RAD51B: variants seen among roughly 807,000 people sequenced by gnomAD.
RAD51B encodes the protein RAD51 paralog B.
RAD51B carries 38 observed loss-of-function variants against 42.2 expected under a neutral mutation model. The ratio of observed to expected loss-of-function variants is 0.90; its 90% CI spans 0.70 to 1.18. The LOEUF (loss-of-function observed/expected upper bound fraction) is 1.18, where lower values mean the gene tolerates loss of function less well. Among genes scored for constraint, RAD51B ranks in the 50% most tolerant of loss-of-function variants. RAD51B has a pLI of 0.00. For missense variants in RAD51B, 373 were observed against 400.7 expected (o/e 0.93, Z 0.59); for synonymous variants, 154 against 145.2 (o/e 1.06, Z -0.43).
rs147771800 is a variant in RAD51B at position 67,899,407 on chromosome 14, A to G, written c.756+12203A>G. The stretch of plus-strand genomic sequence containing the variant: ...GGAAATATCTTCTTAAAAGTGAAAC[A>G]TTTGCATTAGATTATAGCTTTTTTA... On this transcript the variant is annotated intron_variant, in intron 7 of 10. Transcript: ENST00000471583. Among the ~76,000 whole-genome samples the G allele has an allele frequency of 5.3e-5, 8 of 152,268 alleles. No homozygotes were observed. In the East Asian group the frequency reaches 1.5e-3, roughly 29 times the overall value.
intron 7 of RAD51B, among the ~76,000 whole-genome samples, chr14:68,089,172 C>T (rs559088298): frequency 3.4e-4 from 52 of 152,194 alleles, no homozygotes; most frequent in African/African-American, 1.2e-3. Flanking sequence ...TTAATGGAGA[C>T]AGTTCAAGTA....
chr14:68,023,017 A>G (rs1454367463), intron 7 of RAD51B, among the ~76,000 whole-genome samples: 1 of 152,140 alleles, frequency 6.6e-6, no homozygotes, highest in African/African-American at 2.4e-5. Flanking sequence ...ATTCTGTGGT[A>G]TATATGCACC....
chr14:67,988,500 A>C (rs901625696), intron 7 of RAD51B, among the ~76,000 whole-genome samples: 1 of 152,116 alleles, frequency 6.6e-6, no homozygotes, highest in South Asian at 2.1e-4. Flanking sequence ...AATAATAAAA[A>C]AGAAATGAAA....
intron 11 of RAD51B, among the ~76,000 whole-genome samples, chr14:68,681,551 A>C (rs1893431041): frequency 6.6e-6 from 1 of 152,238 alleles, no homozygotes; most frequent in Non-Finnish European, 1.5e-5. Context: ...TGGAGCAGGC[A>C]GGTGCCTTTT....
At chr14:68,606,839 G>C (rs1377601380) in intron 10 of RAD51B, among the ~76,000 whole-genome samples, 1 of 152,188 alleles carries the variant, frequency 6.6e-6, no homozygotes, top group African/African-American at 2.4e-5. Context: ...AATTTGCTGT[G>C]TGACCTTGTC....
At chr14:67,843,735 C>CTT (rs60589567) in intron 4 of RAD51B, among the ~76,000 whole-genome samples, 11 of 149,240 alleles carry the variant, frequency 7.4e-5, no homozygotes, top group South Asian at 2.1e-4. Context: ...TTATTTGGAT[C>CTT]TTTTTTTTTC....
chr14:68,434,843 G>A (rs1244758655), intron 9 of RAD51B, among the ~76,000 whole-genome samples: 1 of 152,130 alleles, frequency 6.6e-6, no homozygotes, highest in Non-Finnish European at 1.5e-5. Context: ...GCTCATGCTG[G>A]GAGCTGTAGA....
At chr14:67,825,645 G>A in intron 3 of RAD51B, 68 bp downstream of exon 3, 1 of 1,188,870 alleles carries the variant, frequency 8.4e-7, no homozygotes, top group Admixed American at 2.5e-5. Flanking sequence ...GTTTTTTTAG[G>A]GATGAGGCAC....
intron 8 of RAD51B, among the ~76,000 whole-genome samples, chr14:68,409,081 A>AAAG (rs1380659942): frequency 6.6e-6 from 1 of 152,214 alleles, no homozygotes; most frequent in African/African-American, 2.4e-5. Flanking sequence ...GAAATGTTCT[A>AAAG]AAGTTAATTG....
At chr14:67,820,923 G>A (rs2040606156) in intron 1 of RAD51B, among the ~76,000 whole-genome samples, 1 of 152,186 alleles carries the variant, frequency 6.6e-6, no homozygotes, top group Admixed American at 6.5e-5. Flanking sequence ...AGGAAGGATA[G>A]GAACTGAACG....
At chr14:68,066,985 A>G (rs1658559283) in intron 7 of RAD51B, among the ~76,000 whole-genome samples, 1 of 152,180 alleles carries the variant, frequency 6.6e-6, no homozygotes. Flanking sequence ...AAAAATGGAA[A>G]GAGCATTAGA....
At chr14:67,922,029 C>T (rs1448783456) in intron 7 of RAD51B, among the ~76,000 whole-genome samples, 2 of 152,182 alleles carry the variant, frequency 1.3e-5, no homozygotes, top group Admixed American at 6.5e-5. Context: ...TGTTCAGGTG[C>T]TTTCAGTTTC....
rs138011574 is a variant in RAD51B, at chr14:68,242,083, A to G, written c.757-49801A>G. Among the ~76,000 whole-genome samples, 353 of 152,284 alleles carry G rather than the reference A, an allele frequency of 2.3e-3. 2 individuals carry two copies. Among genetic ancestry groups the G allele is most frequent in the African/African-American group, 8.2e-3 (342 of 41,554 alleles). On this transcript the variant is annotated intron_variant, in intron 7 of 10. Transcript: ENST00000471583. ...GTGCCTTGCTATCTGAGCCCCTTCC[A>G]GGCTACTCCACACTACCCTTTCCAG...
At chr14:68,395,198 CT>C (rs1231151614) in intron 8 of RAD51B, among the ~76,000 whole-genome samples, 2 of 152,214 alleles carry the variant, frequency 1.3e-5, no homozygotes, top group Non-Finnish European at 1.5e-5. Context: ...TGCTCCCACC[CT>C]TTCTACCTCT....
At chr14:68,627,979 G>A (rs1165325721) in intron 10 of RAD51B, among the ~76,000 whole-genome samples, 3 of 151,934 alleles carry the variant, frequency 2.0e-5, no homozygotes, top group African/African-American at 7.3e-5. Flanking sequence ...GGCCCTTGAC[G>A]ACAACCAGTA....
intron 7 of RAD51B, among the ~76,000 whole-genome samples, chr14:67,999,357 C>T (rs924676318): frequency 6.6e-6 from 1 of 152,114 alleles, no homozygotes; most frequent in Non-Finnish European, 1.5e-5. Flanking sequence ...TCAGGCAGCA[C>T]TAGAGTGCTA....
chr14:68,464,232 CA>C (rs1383432982), intron 9 of RAD51B, among the ~76,000 whole-genome samples: 1 of 152,152 alleles, frequency 6.6e-6, no homozygotes, highest in Non-Finnish European at 1.5e-5. Context: ...ATCAATTCAG[CA>C]TCTCATCATT....
intron 7 of RAD51B, among the ~76,000 whole-genome samples, chr14:67,981,003 T>A (rs1289542517): frequency 1.3e-5 from 2 of 152,126 alleles, no homozygotes; most frequent in Non-Finnish European, 1.5e-5. Context: ...ATTCAAAATA[T>A]ATAAGGAACT....
chr14:68,374,744 C>G (rs150984692), intron 8 of RAD51B, among the ~76,000 whole-genome samples: 3 of 148,900 alleles, frequency 2.0e-5, no homozygotes, highest in African/African-American at 7.5e-5. Flanking sequence ...CTTCCCATAC[C>G]CTAACAGTAT....
Sources: gnomAD v4.1 joint callset for allele counts (sites outside exome capture counted in the v4.1 genomes callset) on GRCh38, gnomAD v4.1.1 for gene constraint, MANE v1.5 for transcripts, NCBI Gene and HGNC (gene_info 2026-07-23, HGNC 2026-07-21) for gene names.